PXDNL: variants seen among roughly 807,000 people sequenced by gnomAD.
PXDNL encodes peroxidasin like.
A neutral mutation model predicts 150.8 loss-of-function variants in PXDNL; 145 were observed. The observed-to-expected ratio is 0.96, with a 90% CI of 0.84 to 1.10. The LOEUF (loss-of-function observed/expected upper bound fraction) is 1.10. Ranked by LOEUF, PXDNL falls within the 50% of genes least tolerant of loss-of-function variation. The pLI is 0.00. For synonymous variants in PXDNL, 757 were observed against 725.7 expected (o/e 1.04, Z -0.69); for missense variants, 2,087 against 1,873.9 (o/e 1.11, Z -2.10).
intron 8 of PXDNL, among the ~76,000 whole-genome samples, chr8:51,469,750 A>G (rs1301460809): frequency 6.6e-6 from 1 of 152,106 alleles, no homozygotes; most frequent in African/African-American, 2.4e-5. Flanking sequence ...TTTATGCTCC[A>G]TGCACTTTCA....
At chr8:51,692,315 CTATTAAATTATTTGAA>C (rs141657314) in intron 1 of PXDNL, among the ~76,000 whole-genome samples, 9,443 of 152,050 alleles carry the variant, frequency 0.062, 361 homozygotes, top group African/African-American at 0.11. Context: ...AGAAAGACAA[CTATTAAATTATTTGAA>C]TATTAAATTA....
At chr8:51,406,057 G>A (rs1482407695) in intron 17 of PXDNL, among the ~76,000 whole-genome samples, 1 of 152,224 alleles carries the variant, frequency 6.6e-6, no homozygotes, top group African/African-American at 2.4e-5. Flanking sequence ...GCCACTGTAA[G>A]GATGGACAGT....
chr8:51,634,241 C>T (rs1585635171), intron 2 of PXDNL, among the ~76,000 whole-genome samples: 1 of 151,982 alleles, frequency 6.6e-6, no homozygotes. Flanking sequence ...GGAGTCTTTT[C>T]CCCATTGTTT....
chr8:51,536,874 A>G (rs569599380), intron 4 of PXDNL, among the ~76,000 whole-genome samples: 1 of 152,322 alleles, frequency 6.6e-6, no homozygotes, highest in East Asian at 1.9e-4. Context: ...AGTTAAGAAG[A>G]TGACATTTTC....
At position 51,460,989 on chromosome 8, in the gene PXDNL, C is replaced by T. The variant is rs116031348; in HGVS notation, c.813-3322G>A. Among the ~76,000 whole-genome samples, 402 of 152,254 alleles carry T rather than the reference C, an allele frequency of 2.6e-3. 2 individuals are homozygous for T. Among genetic ancestry groups the T allele is most frequent in the African/African-American group, 8.9e-3 (370 of 41,542 alleles). On this transcript the variant is annotated intron_variant, in intron 8 of 22. Transcript: ENST00000356297. ...GCATGCTCCCTTGTCTCTGGACCCT[C>T]CCAAGGCACCCACCCAGCTGCTCCC...
intron 2 of PXDNL, among the ~76,000 whole-genome samples, chr8:51,645,632 G>A (rs1814901833): frequency 6.6e-6 from 1 of 152,184 alleles, no homozygotes; most frequent in Non-Finnish European, 1.5e-5. Flanking sequence ...GCTGATAGAT[G>A]TAGGGTTTGA....
At chr8:51,622,981 T>C (rs2130738428) in intron 2 of PXDNL, among the ~76,000 whole-genome samples, 1 of 152,362 alleles carries the variant, frequency 6.6e-6, no homozygotes, top group Admixed American at 6.5e-5. Flanking sequence ...AACTGCTGCC[T>C]TCCCTTTATA....
rs1163804283 is a variant in PXDNL at position 51,809,272 on chromosome 8, G to T, written c.73C>A (p.Pro25Thr). ...AGWCLPGLPCPSRCLCFKSTV... is the reference protein window; with the variant it reads ...AGWCLPGLPCTSRCLCFKSTV... Reference sequence around the variant, plus strand: ...CTCTTAAAGCAAAGGCACCGGCTGGGGCAGGGCAACCCTGGCAGGCACCAC... The same window carrying T: ...CTCTTAAAGCAAAGGCACCGGCTGGTGCAGGGCAACCCTGGCAGGCACCAC... Residue 25 changes from proline (P) to threonine (T), a missense_variant, in exon 1 of 23, where the codon CCC (proline) becomes ACC (threonine). Transcript: ENST00000356297. 11 of 1,601,800 alleles carry T rather than the reference G, an allele frequency of 6.9e-6. No individual in the cohort carries two copies. Among genetic ancestry groups the T allele is most frequent in the Non-Finnish European group, 8.5e-6 (10 of 1,174,212 alleles).
chr8:51,765,308 T>C (rs917274800), intron 1 of PXDNL, among the ~76,000 whole-genome samples: 3 of 152,158 alleles, frequency 2.0e-5, no homozygotes, highest in Admixed American at 2.0e-4. Context: ...TAAGGTGAAA[T>C]CCCTTTGGCT....
chr8:51,754,320 T>C (rs762928017), intron 1 of PXDNL, among the ~76,000 whole-genome samples: 32 of 152,288 alleles, frequency 2.1e-4, no homozygotes, highest in Admixed American at 3.9e-4. Flanking sequence ...TGGTTTTATG[T>C]GCCCCCAGGG....
chr8:51,629,507 C>A (rs941432997), intron 2 of PXDNL, among the ~76,000 whole-genome samples: 1 of 152,056 alleles, frequency 6.6e-6, no homozygotes, highest in African/African-American at 2.4e-5. Flanking sequence ...AAGAATACTT[C>A]AAGAAATAGT....
Position 51,472,190 on chromosome 8 carries a change from T to A in PXDNL, c.809A>T (p.Asn270Ile). 6.2e-7 allele frequency: 1 copy of A among 1,602,454 alleles called. No homozygotes were observed. The highest frequency in any genetic ancestry group is 1.1e-5 in the South Asian group (1 of 90,812). ...NPKPEIIWIH[N>I]NHSLDLEDDT... ...CATGTCCATGCTCAGTATTTACTTG[T>A]TGTGTATCCAAATAATCTCAGGTTT... Residue 270 changes from asparagine (N) to isoleucine (I), a missense_variant, in exon 8 of 23, where the codon AAC becomes ATC. Coordinates refer to ENST00000356297, the MANE Select transcript of PXDNL (RefSeq NM_144651.5).
intron 1 of PXDNL, among the ~76,000 whole-genome samples, chr8:51,795,034 C>T (rs1415543532): frequency 6.6e-6 from 1 of 151,810 alleles, no homozygotes; most frequent in South Asian, 2.1e-4. Flanking sequence ...AACCAAGATC[C>T]AAAAAGACAA....
At position 51,453,908 on chromosome 8, in the gene PXDNL, CAT is replaced by C. The variant is rs143004029; in HGVS notation, c.983-125_983-124del. The C allele has an allele frequency of 1.4e-3, 1,121 of 780,656 alleles. 8 individuals are homozygous for C. Among genetic ancestry groups the C allele is most frequent in the East Asian group, 0.013 (488 of 36,674 alleles). 48.4% of individuals were successfully genotyped at this position (780,656 alleles called of 1,614,324 possible). A position where few individuals can be genotyped will look rare whatever the true frequency, so the allele number is the denominator to read the frequency against. Reference sequence around the variant, plus strand: ...AATTCCTTTAAACTAAAATATTACACATATATATATATACACATTTAATTCCC... The same window carrying C: ...AATTCCTTTAAACTAAAATATTACACATATATATATACACATTTAATTCCC... On this transcript the variant is annotated intron_variant, in intron 9 of 22. Coordinates refer to ENST00000356297, the MANE Select transcript of PXDNL (RefSeq NM_144651.5).
At chr8:51,524,147 C>CCAA (rs756122671) in intron 4 of PXDNL, among the ~76,000 whole-genome samples, 4 of 4,214 alleles carry the variant, frequency 9.5e-4, no homozygotes, top group Non-Finnish European at 3.2e-3. Context: ...TGGAGTCATA[C>CCAA]CTGATATATG....
chr8:51,537,469 T>TAGC (rs1327625252), intron 4 of PXDNL, among the ~76,000 whole-genome samples: 2 of 152,192 alleles, frequency 1.3e-5, no homozygotes, highest in African/African-American at 4.8e-5. Context: ...TTCTCCCCTC[T>TAGC]AGCCATTTTA....
In PXDNL at chr8:51,408,365, A is replaced by C; in HGVS notation, c.3259T>G (p.Ser1087Ala). The change falls in exon 17 of 23, where the codon TCA becomes GCA. Residue 1087 changes from serine to alanine, a missense_variant. Ser to Ala is a moderately conservative substitution (Grantham distance 99). Coordinates refer to ENST00000356297, the MANE Select transcript of PXDNL (RefSeq NM_144651.5). ...GHLPFHKALF[S>A]PSRIIKEGGI... ...CCTTCCTTGATTATTCTGGACGGTG[A>C]AAAGAGCGCTTTATGGAACGGAAGG... The C allele has an allele frequency of 6.2e-7, 1 of 1,614,062 alleles. No individual in the cohort carries two copies. The highest frequency in any genetic ancestry group is 1.1e-5 in the South Asian group (1 of 91,088).
Position 51,752,220 on chromosome 8 carries a change from A to T in PXDNL, c.164+56961T>A, listed in dbSNP as rs569658386. ...AGTGGGTCCAGGTGCTGGGGTGATT[A>T]CCCTTATCTCGTCTCCTGTTAAATC... On this transcript the variant is annotated intron_variant, in intron 1 of 22. Transcript: ENST00000356297. Among the ~76,000 whole-genome samples the T allele has an allele frequency of 1.5e-3, 221 of 152,200 alleles. 1 individual carries two copies. The highest frequency in any genetic ancestry group is 5.2e-3 in the African/African-American group (214 of 41,524).
intron 10 of PXDNL, 70 bp downstream of exon 10, chr8:51,453,445 ATTAT>A (rs1315513845): frequency 1.4e-6 from 2 of 1,436,652 alleles, no homozygotes; most frequent in Non-Finnish European, 1.9e-6. Flanking sequence ...TGTACATGAC[ATTAT>A]TTAAGTTGAA....
Sources: allele counts gnomAD v4.1 joint callset (sites outside exome capture counted in the v4.1 genomes callset), GRCh38; gene constraint gnomAD v4.1.1; transcripts MANE v1.5; gene names NCBI Gene and HGNC (gene_info 2026-07-23, HGNC 2026-07-21).